The following CDK6 variants were observed in gnomAD, a reference collection of about 807,000 sequenced individuals.
CDK6 encodes cyclin-dependent kinase 6.
A neutral mutation model predicts 37.1 loss-of-function variants in CDK6; 6 were observed. The ratio of observed to expected loss-of-function variants is 0.16; its 90% confidence interval spans 0.09 to 0.32. The LOEUF (loss-of-function observed/expected upper bound fraction) is 0.32. CDK6 is among the 10% of genes least tolerant of loss of function. The pLI is 1.00. For synonymous variants in CDK6, 160 were observed against 161.3 expected (o/e 0.99, Z 0.06); for missense variants, 224 against 418.9 (o/e 0.53, Z 4.06).
chr7:92,675,876 T>C (rs939175596), intron 4 of CDK6, among the ~76,000 whole-genome samples: 7 of 152,142 alleles, frequency 4.6e-5, no homozygotes, highest in Admixed American at 2.0e-4. Context: ...AATTTGAACA[T>C]AGTATTTCTT....
intron 3 of CDK6, among the ~76,000 whole-genome samples, chr7:92,758,053 G>C (rs1161016116): frequency 6.6e-6 from 1 of 151,956 alleles, no homozygotes; most frequent in South Asian, 2.1e-4. Flanking sequence ...TTATACCTTT[G>C]TCAGATGCAC....
intron 5 of CDK6, among the ~76,000 whole-genome samples, chr7:92,628,547 C>G (rs531119718): frequency 2.0e-5 from 3 of 152,060 alleles, no homozygotes; most frequent in African/African-American, 4.8e-5. Context: ...ATTGCTCCCC[C>G]CTGCAAGAAG....
chr7:92,714,338 G>A (rs1267946048), intron 4 of CDK6, among the ~76,000 whole-genome samples: 2 of 152,162 alleles, frequency 1.3e-5, no homozygotes, highest in African/African-American at 4.8e-5. Context: ...GATTTTTCAA[G>A]AAGGAGCAAA....
chr7:92,822,546 GA>G (rs1228676580), intron 2 of CDK6, among the ~76,000 whole-genome samples: 1 of 152,036 alleles, frequency 6.6e-6, no homozygotes. Flanking sequence ...TTACTCAATT[GA>G]TATTTACTAG....
intron 4 of CDK6, among the ~76,000 whole-genome samples, chr7:92,717,321 G>A (rs910034730): frequency 2.0e-5 from 3 of 147,302 alleles, no homozygotes; most frequent in Admixed American, 1.4e-4. Flanking sequence ...TAGCCTGGAC[G>A]ACACAGCAAG....
intron 3 of CDK6, among the ~76,000 whole-genome samples, chr7:92,773,150 C>G (rs1383705254): frequency 6.6e-6 from 1 of 152,006 alleles, no homozygotes; most frequent in East Asian, 1.9e-4. Flanking sequence ...AAGACACTGT[C>G]AGGACATGAG....
intron 2 of CDK6, among the ~76,000 whole-genome samples, chr7:92,815,244 C>A (rs1800997697): frequency 6.8e-6 from 1 of 147,112 alleles, no homozygotes; most frequent in Admixed American, 6.6e-5. Context: ...CACATCCTGA[C>A]AGCCATTTTT....
chr7:92,747,183 T>C (rs969477480), intron 3 of CDK6, among the ~76,000 whole-genome samples: 2 of 152,184 alleles, frequency 1.3e-5, no homozygotes, highest in Admixed American at 6.5e-5. Context: ...CTGCTTTTCC[T>C]TTACTCCGGA....
intron 5 of CDK6, among the ~76,000 whole-genome samples, chr7:92,654,413 A>T (rs1796644134): frequency 6.6e-6 from 1 of 152,092 alleles, no homozygotes; most frequent in Non-Finnish European, 1.5e-5. Context: ...TTCTAAGAGG[A>T]GCAATCTAAC....
rs943594391 is a variant in CDK6, at chr7:92,833,681, A to T, written c.-358T>A. ...CTGCCCAAGCGCGTCTCAGTCCAGA[A>T]TCATTGCACCTAAAGGAGGAGACGG... On this transcript the variant is annotated 5_prime_UTR_variant, in exon 2 of 8. Coordinates refer to ENST00000424848, the MANE Select transcript of CDK6 (RefSeq NM_001145306.2). This position sits in a 1 kb window ranked among gnomAD's most constrained non-coding sequence, Gnocchi z 6.1. 1 of 461,072 alleles carries T rather than the reference A, an allele frequency of 2.2e-6. No homozygotes were observed. The highest frequency in any genetic ancestry group is 2.0e-5 in the African/African-American group (1 of 48,796). 28.6% of individuals were successfully genotyped at this position (461,072 alleles called of 1,614,324 possible). A position where few individuals can be genotyped will look rare whatever the true frequency, so the allele number is the denominator to read the frequency against.
chr7:92,743,742 G>C (rs1162975592), intron 3 of CDK6, among the ~76,000 whole-genome samples: 1 of 152,104 alleles, frequency 6.6e-6, no homozygotes, highest in Non-Finnish European at 1.5e-5. Flanking sequence ...AAACACAAAT[G>C]GTCTATCCAC....
intron 4 of CDK6, among the ~76,000 whole-genome samples, chr7:92,678,735 T>G (rs1005958391): frequency 3.9e-5 from 6 of 152,214 alleles, no homozygotes; most frequent in African/African-American, 1.4e-4. Context: ...CTGGATGTCT[T>G]CTTTTTGTTG....
At chr7:92,672,184 G>GACACAAAC in intron 4 of CDK6, among the ~76,000 whole-genome samples, 1 of 44,138 alleles carries the variant, frequency 2.3e-5, no homozygotes, top group African/African-American at 1.3e-4. Context: ...CACACACACA[G>GACACAAAC]ACACATACAC....
At chr7:92,761,212 A>G (rs1445043438) in intron 3 of CDK6, among the ~76,000 whole-genome samples, 1 of 152,116 alleles carries the variant, frequency 6.6e-6, no homozygotes, top group African/African-American at 2.4e-5. Context: ...ACTGTTTCGC[A>G]CTTAGAAAAC....
Position 92,833,340 on chromosome 7 carries a change from CCGCCGCGG to C in CDK6, c.-25_-18del, listed in dbSNP as rs1801542991. The C allele has an allele frequency of 6.5e-7, 1 of 1,546,396 alleles. No homozygotes were observed. The highest frequency in any genetic ancestry group is 1.4e-5 in the African/African-American group (1 of 72,742). On this transcript the variant is annotated 5_prime_UTR_variant, in exon 2 of 8. Transcript: ENST00000424848. The surrounding 1 kb of genome is among the most constrained non-coding windows in gnomAD (Gnocchi z 6.1). ...CTTCTCCATGCCGCCTGGACGCCGCCCGCCGCGGCGCCGCTGGGGCGGGCGGGGGGTGC... is the reference window on the plus strand; with the variant it reads ...CTTCTCCATGCCGCCTGGACGCCGCCCGCCGCTGGGGCGGGCGGGGGGTGC...
At chr7:92,621,819 A>G (rs1795811069) in intron 6 of CDK6, among the ~76,000 whole-genome samples, 1 of 152,166 alleles carries the variant, frequency 6.6e-6, no homozygotes, top group South Asian at 2.1e-4. Context: ...CCAGGCATAA[A>G]AAACTAGCAA....
chr7:92,737,444 G>GC (rs1241330340), intron 3 of CDK6, among the ~76,000 whole-genome samples: 1 of 152,116 alleles, frequency 6.6e-6, no homozygotes, highest in African/African-American at 2.4e-5. Flanking sequence ...GACCCAACTT[G>GC]CTAAAATGGT....
chr7:92,752,909 A>G (rs1282475555), intron 3 of CDK6, among the ~76,000 whole-genome samples: 1 of 152,174 alleles, frequency 6.6e-6, no homozygotes, highest in African/African-American at 2.4e-5. Flanking sequence ...AACTGCTTCA[A>G]CTGAAGCCTG....
intron 3 of CDK6, among the ~76,000 whole-genome samples, chr7:92,742,497 T>C (rs985052185): frequency 1.2e-4 from 18 of 152,336 alleles, no homozygotes; most frequent in African/African-American, 3.8e-4. Context: ...ATCTGGTGTT[T>C]CTTTAACACT....
Sources: gnomAD v4.1 joint callset for allele counts (sites outside exome capture counted in the v4.1 genomes callset) on GRCh38, gnomAD v4.1.1 for gene constraint, Gnocchi (gnomAD v3.1) non-coding constraint, MANE v1.5 for transcripts, NCBI Gene and HGNC (gene_info 2026-07-23, HGNC 2026-07-21) for gene names.